The following ACACA variants were observed in gnomAD, a reference collection of about 807,000 sequenced individuals.
ACACA encodes the protein acetyl-CoA carboxylase 1.
Under a neutral mutation model 296.1 loss-of-function variants are expected in ACACA, and 103 were observed. The ratio of observed to expected loss-of-function variants is 0.35; its 90% CI spans 0.30 to 0.41. The LOEUF (loss-of-function observed/expected upper bound fraction) is 0.41. Among genes scored for constraint, ACACA ranks in the 10% least tolerant of loss-of-function variants. The probability of loss-of-function intolerance (pLI) is 1.00; values close to 1 mark genes in which losing one functional copy is unlikely to be tolerated. For missense variants in ACACA, 1,554 were observed against 2,989.7 expected, an observed-to-expected ratio of 0.52 and a Z score of 11.20; for synonymous variants, 953 against 1,038.6, an observed-to-expected ratio of 0.92 and a Z score of 1.58.
At chr17:37,096,120 G>A (rs1040512244) in intron 54 of ACACA, among the ~76,000 whole-genome samples, 5 of 152,256 alleles carry the variant, frequency 3.3e-5, no homozygotes, top group Middle Eastern at 6.8e-3. Context: ...ATCTCCTGCC[G>A]ATCACAACCT....
At chr17:37,327,873 C>T (rs1267036287) in intron 3 of ACACA, among the ~76,000 whole-genome samples, 1 of 152,082 alleles carries the variant, frequency 6.6e-6, no homozygotes, top group African/African-American at 2.4e-5. Context: ...GTCCTTTGTC[C>T]GATAAATGCA....
At chr17:37,091,274 G>T (rs2072612358) in intron 54 of ACACA, among the ~76,000 whole-genome samples, 3 of 152,142 alleles carry the variant, frequency 2.0e-5, no homozygotes, top group Admixed American at 2.0e-4. Context: ...GACAGGATTA[G>T]GGCAACGCAT....
At chr17:37,169,465 G>T (rs973773191) in intron 41 of ACACA, among the ~76,000 whole-genome samples, 1 of 152,160 alleles carries the variant, frequency 6.6e-6, no homozygotes, top group African/African-American at 2.4e-5. Context: ...AGGAGAAATG[G>T]TTCAAAATAT....
At chr17:37,245,284 A>T in intron 19 of ACACA, 70 bp from the exon 20 acceptor site, 8 of 1,556,776 alleles carry the variant, frequency 5.1e-6, no homozygotes, top group Non-Finnish European at 7.1e-6. Flanking sequence ...AAGAACTAAA[A>T]TTTTTCCCTT....
Position 37,121,494 on chromosome 17 carries a change from T to A in ACACA, c.6139-4A>T. The A allele has an allele frequency of 6.2e-7, 1 of 1,614,034 alleles. No individual in the cohort carries two copies. The highest frequency in any genetic ancestry group is 8.5e-7 in the Non-Finnish European group (1 of 1,179,992). ...CCTGGCCAGCCTGCTGGATTATCTA[T>A]TAGGAAAAGTCAAAGAAGACACAAT... On this transcript the variant is annotated splice_polypyrimidine_tract_variant and splice_region_variant and intron_variant, in intron 49 of 55. Transcript: ENST00000616317.
intron 29 of ACACA, among the ~76,000 whole-genome samples, chr17:37,213,570 C>T (rs1440905572): frequency 1.3e-5 from 2 of 152,112 alleles, no homozygotes; most frequent in African/African-American, 4.8e-5. Context: ...AACCAAAAAA[C>T]CAAAGAGGAT....
rs555499081 is a variant in ACACA at position 37,260,881 on chromosome 17, G to A, written c.1330-1351C>T. 1.1e-4 allele frequency among the ~76,000 whole-genome samples: 17 copies of A among 152,178 alleles called. No homozygotes were observed. In the East Asian group the frequency reaches 2.5e-3, roughly 22 times the overall value. Reference sequence around the variant, plus strand: ...AGAGAAAAATAAACTTCTATTTTTGGGGGGGTCCGCTGTGTTTTTTGGACC... The same window carrying A: ...AGAGAAAAATAAACTTCTATTTTTGAGGGGGTCCGCTGTGTTTTTTGGACC... On this transcript the variant is annotated intron_variant, in intron 11 of 55. Coordinates refer to ENST00000616317, the MANE Select transcript of ACACA (RefSeq NM_198834.3).
intron 25 of ACACA, among the ~76,000 whole-genome samples, chr17:37,232,998 T>C (rs1384807120): frequency 6.6e-6 from 1 of 152,168 alleles, no homozygotes; most frequent in Non-Finnish European, 1.5e-5. Context: ...GTCTGGGTAC[T>C]ATCCATGCAG....
chr17:37,381,818 G>GCA (rs2050289091), intron 1 of ACACA, among the ~76,000 whole-genome samples: 4 of 151,044 alleles, frequency 2.6e-5, no homozygotes, highest in South Asian at 4.2e-4. Flanking sequence ...TGGTAGAGAT[G>GCA]GGGTTTCACC....
intron 29 of ACACA, among the ~76,000 whole-genome samples, chr17:37,218,147 C>CCA (rs2079117159): frequency 8.6e-6 from 1 of 116,628 alleles, no homozygotes; most frequent in African/African-American, 3.5e-5. Context: ...CTACCAGTAA[C>CCA]AAAAAAAAAA....
chr17:37,275,855 G>A (rs980963810), intron 8 of ACACA, 96 bp downstream of exon 8: 19 of 1,026,970 alleles, frequency 1.9e-5, no homozygotes, highest in East Asian at 4.7e-5. Flanking sequence ...TCCATTTCTT[G>A]TCAAGTATAC....
chr17:37,088,013 G>A (rs1015813937), intron 55 of ACACA, among the ~76,000 whole-genome samples: 2 of 152,174 alleles, frequency 1.3e-5, no homozygotes, highest in African/African-American at 4.8e-5. Flanking sequence ...GTAGAGAAAT[G>A]GAGCAACATC....
In ACACA at chr17:37,266,371, G is replaced by A. The variant is rs574650344; in HGVS notation, c.1120-2477C>T. On this transcript the variant is annotated intron_variant, in intron 10 of 55. Transcript: ENST00000616317. ...GGAGGTTGCAGTGAGCCGAGATCGC[G>A]CCACTGCACTCCAGCCTGGGCGACA... 3.3e-5 allele frequency among the ~76,000 whole-genome samples: 5 copies of A among 150,528 alleles called. No individual in the cohort carries two copies. The East Asian group carries it at 7.8e-4, about 24-fold the overall frequency.
chr17:37,274,959 G>A (rs2082214284), intron 8 of ACACA, among the ~76,000 whole-genome samples: 1 of 147,128 alleles, frequency 6.8e-6, no homozygotes, highest in Admixed American at 6.9e-5. Context: ...GTGTATGTCT[G>A]TTCCCAGTGC....
intron 41 of ACACA, among the ~76,000 whole-genome samples, chr17:37,173,809 T>C (rs1471896898): frequency 2.7e-5 from 4 of 148,982 alleles, no homozygotes; most frequent in Admixed American, 6.7e-5. Flanking sequence ...CCAGTCATGA[T>C]GGCAGCTAGT....
intron 45 of ACACA, among the ~76,000 whole-genome samples, chr17:37,137,566 G>A (rs756955145): frequency 2.0e-5 from 3 of 152,122 alleles, no homozygotes; most frequent in Non-Finnish European, 2.9e-5. Flanking sequence ...ACATTTCTAT[G>A]TATTCTATAA....
intron 1 of ACACA, among the ~76,000 whole-genome samples, chr17:37,381,869 T>A (rs188143307): frequency 6.6e-6 from 1 of 151,464 alleles, no homozygotes; most frequent in Non-Finnish European, 1.5e-5. Context: ...CCTTGTGATC[T>A]GCCCGCCTTG....
At chr17:37,256,735 AAATT>A (rs1453734182) in intron 14 of ACACA, among the ~76,000 whole-genome samples, 1 of 152,220 alleles carries the variant, frequency 6.6e-6, no homozygotes, top group Admixed American at 6.5e-5. Context: ...CTGCCTCTTA[AAATT>A]AATTAATTCA....
rs2074263738 is a variant in ACACA, at chr17:37,116,560, A to G, written c.6275-3295T>C. 2.0e-5 allele frequency among the ~76,000 whole-genome samples: 3 copies of G among 152,298 alleles called. No homozygotes were observed. In the South Asian group the frequency reaches 6.2e-4, roughly 32 times the overall value. On this transcript the variant is annotated intron_variant, in intron 50 of 55. Transcript: ENST00000616317. ...TAGGAAAGGAGCATCAGGGTTTGTT[A>G]AAGCTGACATGTTTGGGACTAATAT...
Sources: gnomAD v4.1 joint callset for allele counts (sites outside exome capture counted in the v4.1 genomes callset) on GRCh38, gnomAD v4.1.1 for gene constraint, MANE v1.5 for transcripts, NCBI Gene and HGNC (gene_info 2026-07-23, HGNC 2026-07-21) for gene names.